Variants in BNC2 observed in about 807,000 individuals in gnomAD.
BNC2 encodes zinc finger protein basonuclin-2.
In BNC2, 20 loss-of-function variants were observed where a neutral mutation model predicts 76.3. That is an observed-to-expected ratio of 0.26 (90% CI 0.18 to 0.38). The LOEUF (loss-of-function observed/expected upper bound fraction) is 0.38. Ranked by LOEUF, BNC2 falls within the 10% of genes least tolerant of loss-of-function variation. The pLI is 1.00. For synonymous variants in BNC2, 582 were observed against 514.8 expected (o/e 1.13, Z -1.77); for missense variants, 1,382 against 1,399.8 (o/e 0.99, Z 0.20).
intron 5 of BNC2, among the ~76,000 whole-genome samples, chr9:16,549,957 AATATT>A (rs1812332376): frequency 6.6e-6 from 1 of 152,058 alleles, no homozygotes; most frequent in African/African-American, 2.4e-5. Context: ...TGAATGGAGA[AATATT>A]ATATTAAATT....
At chr9:16,425,924 C>A (rs373838322) in intron 6 of BNC2, among the ~76,000 whole-genome samples, 2 of 152,218 alleles carry the variant, frequency 1.3e-5, no homozygotes, top group African/African-American at 4.8e-5. Context: ...CAGCCCCATT[C>A]CCTAACCATT....
chr9:16,518,617 T>C (rs1028134030), intron 5 of BNC2, among the ~76,000 whole-genome samples: 14 of 151,760 alleles, frequency 9.2e-5, no homozygotes, highest in Non-Finnish European at 1.5e-4. Context: ...TGTTTTTTGT[T>C]TTTTGTTTTG....
At chr9:16,626,977 C>T (rs972093815) in intron 3 of BNC2, among the ~76,000 whole-genome samples, 2 of 152,172 alleles carry the variant, frequency 1.3e-5, no homozygotes, top group Admixed American at 6.5e-5. Flanking sequence ...CGGTAACTTC[C>T]CAGTGACAGT....
intron 3 of BNC2, among the ~76,000 whole-genome samples, chr9:16,691,504 C>CTTT (rs71327842): frequency 0.02 from 2,236 of 113,092 alleles, 118 homozygotes; most frequent in African/African-American, 0.045. Context: ...GGTATGGGTT[C>CTTT]TTTTTTTTTT....
At chr9:16,675,359 T>C (rs1396620327) in intron 3 of BNC2, among the ~76,000 whole-genome samples, 3 of 152,160 alleles carry the variant, frequency 2.0e-5, no homozygotes, top group Non-Finnish European at 4.4e-5. Context: ...GCTCAAGTGA[T>C]GCTCCCGCCT....
intron 3 of BNC2, among the ~76,000 whole-genome samples, chr9:16,588,394 A>G (rs1038328867): frequency 6.6e-6 from 1 of 152,194 alleles, no homozygotes; most frequent in East Asian, 1.9e-4. Flanking sequence ...CATATTATTC[A>G]TACTATAGTC....
chr9:16,658,276 T>C (rs1248174162), intron 3 of BNC2, among the ~76,000 whole-genome samples: 3 of 95,344 alleles, frequency 3.1e-5, no homozygotes, highest in African/African-American at 1.0e-4. Context: ...TCTCAAAACA[T>C]GGAAACAGCT....
At chr9:16,666,702 T>G (rs566179966) in intron 3 of BNC2, among the ~76,000 whole-genome samples, 55 of 152,330 alleles carry the variant, frequency 3.6e-4, no homozygotes, top group African/African-American at 1.3e-3. Flanking sequence ...AAACATGGTA[T>G]CTAAACAGCA....
chr9:16,799,631 T>A (rs1288092226), intron 1 of BNC2, among the ~76,000 whole-genome samples: 2 of 152,048 alleles, frequency 1.3e-5, no homozygotes, highest in Non-Finnish European at 2.9e-5. Flanking sequence ...CAAAAAAAAA[T>A]TAATCCCATT....
chr9:16,654,913 G>T (rs1045526418), intron 3 of BNC2, among the ~76,000 whole-genome samples: 18 of 151,968 alleles, frequency 1.2e-4, no homozygotes, highest in Admixed American at 1.1e-3. Flanking sequence ...AACTGTTGCT[G>T]ATGAAAATAA....
At position 16,735,439 on chromosome 9, in the gene BNC2, G is replaced by A. The variant is rs187647377; in HGVS notation, c.129+2921C>T. On this transcript the variant is annotated intron_variant, in intron 2 of 6. Coordinates refer to ENST00000380672, the MANE Select transcript of BNC2 (RefSeq NM_017637.6). ...AAAACAGGCTGGGGGCGCACACAAC[G>A]GGAAATTAACATGAACATGAAAGTT... Among the ~76,000 whole-genome samples, 286 of 151,470 alleles carry A rather than the reference G, an allele frequency of 1.9e-3. 1 individual carries two copies. The highest frequency in any genetic ancestry group is 2.3e-3 in the Non-Finnish European group (159 of 67,912).
At chr9:16,835,143 T>C (rs965176307) in intron 1 of BNC2, among the ~76,000 whole-genome samples, 4 of 152,204 alleles carry the variant, frequency 2.6e-5, no homozygotes, top group African/African-American at 9.6e-5. Context: ...GAGAAACAAT[T>C]CATACAGATG....
At chr9:16,563,150 G>A (rs1203819461) in intron 4 of BNC2, among the ~76,000 whole-genome samples, 1 of 152,080 alleles carries the variant, frequency 6.6e-6, no homozygotes, top group African/African-American at 2.4e-5. Flanking sequence ...AGGCTACCTG[G>A]TGGAAATTTT....
intron 1 of BNC2, among the ~76,000 whole-genome samples, chr9:16,843,719 G>A (rs894539446): frequency 1.3e-5 from 2 of 152,162 alleles, no homozygotes; most frequent in African/African-American, 4.8e-5. Flanking sequence ...GCTACTTTAG[G>A]TTTACCATGT....
chr9:16,802,408 T>C (rs1024545797), intron 1 of BNC2, among the ~76,000 whole-genome samples: 1 of 152,202 alleles, frequency 6.6e-6, no homozygotes, highest in Non-Finnish European at 1.5e-5. Flanking sequence ...CAATTAGCAA[T>C]ATCCTTCACT....
Position 16,607,498 on chromosome 9 carries a change from C to T in BNC2, c.331-24413G>A, listed in dbSNP as rs953055867. On this transcript the variant is annotated intron_variant, in intron 3 of 6. Coordinates refer to ENST00000380672, the MANE Select transcript of BNC2 (RefSeq NM_017637.6). ...CGTCTAAAGGAAAGAGTTTTGATAA[C>T]GGCTACACTTTAGGGTAAGTAAACA... Among the ~76,000 whole-genome samples the T allele has an allele frequency of 2.0e-5, 3 of 152,118 alleles. No individual in the cohort carries two copies. The South Asian group carries it at 6.2e-4, about 32-fold the overall frequency.
chr9:16,669,822 C>T (rs1587296190), intron 3 of BNC2, among the ~76,000 whole-genome samples: 1 of 152,256 alleles, frequency 6.6e-6, no homozygotes, highest in East Asian at 1.9e-4. Context: ...AGCTCATCCA[C>T]TTATAAGAAG....
At chr9:16,593,039 T>C (rs1319280424) in intron 3 of BNC2, among the ~76,000 whole-genome samples, 1 of 152,090 alleles carries the variant, frequency 6.6e-6, no homozygotes, top group African/African-American at 2.4e-5. Context: ...AACTTCTCAG[T>C]TATGATGCTC....
chr9:16,788,276 A>C (rs12378588), intron 1 of BNC2, among the ~76,000 whole-genome samples: 1 of 152,096 alleles, frequency 6.6e-6, no homozygotes, highest in Non-Finnish European at 1.5e-5. Flanking sequence ...TTCCTGGGCC[A>C]GGCGCGGTGG....
Sources: gnomAD v4.1 joint callset for allele counts (sites outside exome capture counted in the v4.1 genomes callset) on GRCh38, gnomAD v4.1.1 for gene constraint, MANE v1.5 for transcripts, NCBI Gene and HGNC (gene_info 2026-07-23, HGNC 2026-07-21) for gene names.